KCNB2: variants seen among roughly 807,000 people sequenced by gnomAD.
KCNB2 encodes the protein delayed rectifier potassium channel protein.
Under a neutral mutation model 61.5 loss-of-function variants are expected in KCNB2, and 15 were observed. The ratio of observed to expected loss-of-function variants is 0.24; its 90% CI spans 0.16 to 0.38. The LOEUF is 0.38. Ranked by LOEUF, KCNB2 falls within the 10% of genes least tolerant of loss-of-function variation. The pLI, the probability that KCNB2 is intolerant of heterozygous loss-of-function variation, is 1.00. For synonymous variants in KCNB2, 457 were observed against 446.0 expected, an observed-to-expected ratio of 1.02 and a Z score of -0.31; for missense variants, 828 against 1,125.2, an observed-to-expected ratio of 0.74 and a Z score of 3.78.
intron 2 of KCNB2, among the ~76,000 whole-genome samples, chr8:72,733,241 G>T (rs1257493755): frequency 1.3e-5 from 2 of 152,100 alleles, no homozygotes; most frequent in African/African-American, 2.4e-5. Context: ...TTAGCAAAAT[G>T]ATATCCCTTT....
chr8:72,925,234 A>G (rs1473351575), intron 2 of KCNB2, among the ~76,000 whole-genome samples: 1 of 152,238 alleles, frequency 6.6e-6, no homozygotes, highest in Non-Finnish European at 1.5e-5. Flanking sequence ...GAAGCCGACT[A>G]GGTGTCCAAG....
At chr8:72,715,147 G>C (rs1031452887) in intron 2 of KCNB2, among the ~76,000 whole-genome samples, 2 of 152,100 alleles carry the variant, frequency 1.3e-5, no homozygotes, top group Non-Finnish European at 2.9e-5. Context: ...ACAGGAGCAC[G>C]CAGATTCGTA....
At position 72,561,778 on chromosome 8, in the gene KCNB2, G is replaced by GATACATATAT. The variant is rs1806537044; in HGVS notation, c.-93-5861_-93-5860insCATATATATA. On this transcript the variant is annotated intron_variant, in intron 1 of 2. Transcript: ENST00000523207. The stretch of plus-strand genomic sequence containing the variant: ...ATATATATGGATATATATATATATG[G>GATACATATAT]ATATATATATACATATATATATATA... Among the ~76,000 whole-genome samples, 2 of 34,336 alleles carry GATACATATAT rather than the reference G, an allele frequency of 5.8e-5. 1 individual carries two copies. The highest frequency in any genetic ancestry group is 2.2e-4 in the African/African-American group (2 of 9,134). The allele number at this position is 34,336 out of a possible 152,430, so 22.5% of individuals were successfully genotyped here.
chr8:72,658,440 G>A (rs1806327170), intron 2 of KCNB2, among the ~76,000 whole-genome samples: 1 of 152,172 alleles, frequency 6.6e-6, no homozygotes, highest in African/African-American at 2.4e-5. Context: ...TGTTCATGCT[G>A]TTAAAAGAAA....
chr8:72,725,541 G>GTATATATATATGTA (rs1484909320), intron 2 of KCNB2, among the ~76,000 whole-genome samples: 24 of 74,700 alleles, frequency 3.2e-4, no homozygotes, highest in Non-Finnish European at 4.8e-4. Flanking sequence ...ATATATATAT[G>GTATATATATATGTA]TGTGTATATA....
rs1429237384 is a variant in KCNB2 at position 72,733,679 on chromosome 8, C to T, written c.579+165366C>T. On this transcript the variant is annotated intron_variant, in intron 2 of 2. Coordinates refer to ENST00000523207, the MANE Select transcript of KCNB2 (RefSeq NM_004770.3). ...ACATGTTGACACTCCAAAACCATCC[C>T]TTTCCAGGAAGGTAGTCGTTAGGAC... 2.0e-5 allele frequency among the ~76,000 whole-genome samples: 3 copies of T among 152,254 alleles called. No individual in the cohort carries two copies. The South Asian group carries it at 6.2e-4, about 32-fold the overall frequency.
chr8:72,934,159 T>C (rs1398505330), intron 2 of KCNB2, among the ~76,000 whole-genome samples: 1 of 151,772 alleles, frequency 6.6e-6, no homozygotes, highest in Non-Finnish European at 1.5e-5. Flanking sequence ...AGCAGGTGGA[T>C]CACAAGACCA....
intron 2 of KCNB2, among the ~76,000 whole-genome samples, chr8:72,927,072 C>G (rs564927947): frequency 6.6e-6 from 1 of 152,092 alleles, no homozygotes; most frequent in Non-Finnish European, 1.5e-5. Context: ...GGAGTGGGGC[C>G]GGAGAATTAG....
intron 2 of KCNB2, among the ~76,000 whole-genome samples, chr8:72,656,105 G>T (rs1231329855): frequency 1.3e-5 from 2 of 152,130 alleles, no homozygotes; most frequent in African/African-American, 2.4e-5. Context: ...AATTCTCAGA[G>T]TCCTGGGCTT....
In KCNB2 at chr8:72,821,659, A is replaced by AAAAAC. The variant is rs1554535735; in HGVS notation, c.580-114275_580-114274insAAACA. ...AAAAAAACAAAAAAAAAAAAAAAAAAACACACACACACCAAGCCCCCACAG... is the reference window on the plus strand; with the variant it reads ...AAAAAAACAAAAAAAAAAAAAAAAAAAAAACACACACACACACCAAGCCCCCACAG... On this transcript the variant is annotated intron_variant, in intron 2 of 2. Coordinates refer to ENST00000523207, the MANE Select transcript of KCNB2 (RefSeq NM_004770.3). Among the ~76,000 whole-genome samples, 184 of 116,896 alleles carry AAAAAC rather than the reference A, an allele frequency of 1.6e-3. 15 individuals carry two copies. The highest frequency in any genetic ancestry group is 3.0e-3 in the East Asian group (8 of 2,678). The allele number at this position is 116,896 out of a possible 152,430, so 76.7% of individuals were successfully genotyped here. A position where few individuals can be genotyped will look rare whatever the true frequency, so the allele number is the denominator to read the frequency against.
Position 72,775,669 on chromosome 8 carries a change from C to G in KCNB2, c.580-160266C>G, listed in dbSNP as rs141797636. 1.7e-3 allele frequency among the ~76,000 whole-genome samples: 266 copies of G among 152,156 alleles called. 4 individuals carry two copies. The highest frequency in any genetic ancestry group is 3.0e-3 in the Admixed American group (46 of 15,284). On this transcript the variant is annotated intron_variant, in intron 2 of 2. Coordinates refer to ENST00000523207, the MANE Select transcript of KCNB2 (RefSeq NM_004770.3). ...AGCACTTTGCCTCCTGACCCTCCCC[C>G]CTTCCAGCCTTCTATTATAAACAGG...
chr8:72,583,506 T>A (rs766251987), intron 2 of KCNB2, among the ~76,000 whole-genome samples: 2 of 152,148 alleles, frequency 1.3e-5, no homozygotes, highest in Non-Finnish European at 2.9e-5. Context: ...TATTTTCAGT[T>A]CTGCTGTTAA....
chr8:72,827,789 A>G (rs1809619765), intron 2 of KCNB2, among the ~76,000 whole-genome samples: 1 of 151,728 alleles, frequency 6.6e-6, no homozygotes, highest in Non-Finnish European at 1.5e-5. Flanking sequence ...TGAGAGGAGA[A>G]CAAGGTTAAA....
At chr8:72,647,327 ATTGT>A (rs1441311771) in intron 2 of KCNB2, among the ~76,000 whole-genome samples, 2 of 152,034 alleles carry the variant, frequency 1.3e-5, no homozygotes, top group African/African-American at 4.8e-5. Context: ...TAGATACTTA[ATTGT>A]TTGGGTAATT....
intron 2 of KCNB2, among the ~76,000 whole-genome samples, chr8:72,685,940 G>T (rs1241098138): frequency 1.3e-5 from 2 of 152,200 alleles, no homozygotes; most frequent in East Asian, 3.9e-4. Flanking sequence ...AGTGAGCCGA[G>T]ATCGCGCCAT....
At chr8:72,911,490 A>C (rs1052891956) in intron 2 of KCNB2, among the ~76,000 whole-genome samples, 7 of 152,218 alleles carry the variant, frequency 4.6e-5, no homozygotes, top group African/African-American at 1.7e-4. Context: ...AGATAAGGGA[A>C]GTGAGGCACC....
chr8:72,626,844 G>A (rs146643659), intron 2 of KCNB2, among the ~76,000 whole-genome samples: 1 of 152,178 alleles, frequency 6.6e-6, no homozygotes, highest in African/African-American at 2.4e-5. Context: ...CCTGCAAAAG[G>A]TATTTGGGGG....
At chr8:72,565,857 C>G (rs908047980) in intron 1 of KCNB2, among the ~76,000 whole-genome samples, 1 of 152,086 alleles carries the variant, frequency 6.6e-6, no homozygotes, top group Non-Finnish European at 1.5e-5. Flanking sequence ...TATTAAACTC[C>G]TACACTGTAT....
intron 2 of KCNB2, among the ~76,000 whole-genome samples, chr8:72,682,299 C>T (rs1806772759): frequency 6.6e-6 from 1 of 152,006 alleles, no homozygotes; most frequent in South Asian, 2.1e-4. Context: ...TGGCTATAGA[C>T]CAAGGCAAAG....
Sources: allele counts gnomAD v4.1 joint callset (sites outside exome capture counted in the v4.1 genomes callset), GRCh38; gene constraint gnomAD v4.1.1; transcripts MANE v1.5; gene names NCBI Gene and HGNC (gene_info 2026-07-23, HGNC 2026-07-21).